Variants in ZNF536 observed in about 807,000 individuals in gnomAD.
ZNF536 encodes the protein zinc finger protein 536.
In ZNF536, 13 loss-of-function variants were observed where a neutral mutation model predicts 84.5. The ratio of observed to expected loss-of-function variants is 0.15; its 90% confidence interval spans 0.10 to 0.24. The LOEUF (loss-of-function observed/expected upper bound fraction) is 0.24, where lower values mean the gene tolerates loss of function less well. ZNF536 is among the 10% of genes least tolerant of loss of function. ZNF536 has a pLI of 1.00. For synonymous variants in ZNF536, 811 were observed against 742.5 expected (o/e 1.09, Z -1.50); for missense variants, 1,536 against 1,747.5 (o/e 0.88, Z 2.16).
intron 2 of ZNF536, among the ~76,000 whole-genome samples, chr19:30,497,008 G>A (rs547592612): frequency 1.1e-4 from 16 of 152,332 alleles, no homozygotes; most frequent in African/African-American, 3.6e-4. Context: ...GCTCAGCAGT[G>A]TGATGCTCTT....
intron 1 of ZNF536, among the ~76,000 whole-genome samples, chr19:30,577,127 G>GT: frequency 6.6e-6 from 1 of 152,282 alleles, no homozygotes; most frequent in South Asian, 2.1e-4. Context: ...TATTGTGCAT[G>GT]TTTTTTTCTC....
At chr19:30,454,227 C>G (rs539240346) in intron 2 of ZNF536, among the ~76,000 whole-genome samples, 21 of 152,356 alleles carry the variant, frequency 1.4e-4, no homozygotes, top group Non-Finnish European at 2.8e-4. Flanking sequence ...AGACTTTTGG[C>G]CAACGCTAGT....
Position 30,557,087 on chromosome 19 carries a change from C to T in ZNF536, c.3896-70C>T, listed in dbSNP as rs138883791. ...AAACGATTAGGGGATGTGGCCCTGCCCTTGCTTTCAAATGCCTCTAGCCCT... is the reference window on the plus strand; with the variant it reads ...AAACGATTAGGGGATGTGGCCCTGCTCTTGCTTTCAAATGCCTCTAGCCCT... On this transcript the variant is annotated intron_variant, in intron 4 of 4. Transcript: ENST00000355537. The T allele has an allele frequency of 2.7e-4, 414 of 1,547,144 alleles. 1 individual carries two copies. In the East Asian group the frequency reaches 7.8e-3, roughly 29 times the overall value.
At chr19:30,387,235 G>A (rs1334648175) in intron 1 of ZNF536, among the ~76,000 whole-genome samples, 1 of 152,230 alleles carries the variant, frequency 6.6e-6, no homozygotes, top group Non-Finnish European at 1.5e-5. Flanking sequence ...AGAAAGGCAG[G>A]TGCTTAGCTG....
At chr19:30,236,533 G>T (rs576191492) in intron 1 of ZNF536, among the ~76,000 whole-genome samples, 10 of 151,520 alleles carry the variant, frequency 6.6e-5, no homozygotes, top group Non-Finnish European at 8.8e-5. Flanking sequence ...TTGGGGCGGG[G>T]GGGGGGTACA....
chr19:30,288,379 G>T (rs991448851), intron 2 of ZNF536, among the ~76,000 whole-genome samples: 8 of 152,202 alleles, frequency 5.3e-5, no homozygotes, highest in African/African-American at 1.9e-4. Context: ...TATTAGGTCA[G>T]CTGTCTTGAG....
At chr19:30,699,140 C>A (rs567868854) in intron 1 of ZNF536, among the ~76,000 whole-genome samples, 1 of 152,226 alleles carries the variant, frequency 6.6e-6, no homozygotes. Context: ...TACTTTCTAG[C>A]ACTAAATACC....
intron 3 of ZNF536, among the ~76,000 whole-genome samples, chr19:30,535,326 G>A (rs561960421): frequency 3.9e-5 from 6 of 152,244 alleles, no homozygotes; most frequent in East Asian, 1.9e-4. Context: ...CTCCCCAGGC[G>A]CCTGTATGAA....
intron 2 of ZNF536, among the ~76,000 whole-genome samples, chr19:30,453,446 A>G (rs968778522): frequency 5.9e-5 from 9 of 152,086 alleles, no homozygotes; most frequent in Non-Finnish European, 1.0e-4. Flanking sequence ...CTCTTCACCT[A>G]AGTCCTTGTA....
At chr19:30,663,461 G>A (rs1258799109) in intron 1 of ZNF536, among the ~76,000 whole-genome samples, 2 of 152,088 alleles carry the variant, frequency 1.3e-5, no homozygotes, top group African/African-American at 2.4e-5. Context: ...TTCTCCAGCC[G>A]CCATTATACG....
At chr19:30,693,382 TGA>T (rs2051503551) in intron 1 of ZNF536, among the ~76,000 whole-genome samples, 1 of 152,232 alleles carries the variant, frequency 6.6e-6, no homozygotes, top group Admixed American at 6.5e-5. Flanking sequence ...TTGGTTTACG[TGA>T]CTACAGAGAA....
chr19:30,444,419 G>C lies in ZNF536; in HGVS notation c.857G>C (p.Arg286Pro), dbSNP rs1056766328. 6.2e-7 allele frequency: 1 copy of C among 1,608,192 alleles called. No homozygotes were observed. ...CTFCKGKFKK[R>P]EELDRHIRIL... Reference sequence around the variant, plus strand: ...TTCTGCAAGGGCAAGTTCAAGAAGCGCGAGGAGCTGGACCGCCACATCCGC... The same window carrying C: ...TTCTGCAAGGGCAAGTTCAAGAAGCCCGAGGAGCTGGACCGCCACATCCGC... Residue 286 changes from arginine (R) to proline (P), a missense_variant, in exon 2 of 5, where the codon CGC (arginine) becomes CCC (proline). This residue lies in a region of ZNF536 where 61 missense variants were observed against 104.0 expected (regional missense o/e 0.59). Transcript: ENST00000355537.
downstream of ZNF536, among the ~76,000 whole-genome samples, chr19:30,561,662 G>A (rs998824726): frequency 2.6e-5 from 4 of 152,166 alleles, no homozygotes; most frequent in African/African-American, 9.7e-5. Flanking sequence ...GTCCTCTAAG[G>A]TACTACGTGG....
chr19:30,655,504 G>A (rs1231454361), intron 1 of ZNF536, among the ~76,000 whole-genome samples: 3 of 152,126 alleles, frequency 2.0e-5, no homozygotes, highest in Non-Finnish European at 4.4e-5. Flanking sequence ...GGTGAACTCA[G>A]CCCTCACTTC....
chr19:30,558,372 G>A (rs1052758894), downstream of ZNF536, among the ~76,000 whole-genome samples: 5 of 152,098 alleles, frequency 3.3e-5, no homozygotes, highest in Admixed American at 6.5e-5. Flanking sequence ...CCCCACAACC[G>A]CCCAGAGGAA....
chr19:30,326,670 C>G (rs910082595), intron 2 of ZNF536, among the ~76,000 whole-genome samples: 1 of 149,296 alleles, frequency 6.7e-6, no homozygotes, highest in Non-Finnish European at 1.5e-5. Context: ...GCTTTCGATG[C>G]GGGAGGCACG....
intron 1 of ZNF536, among the ~76,000 whole-genome samples, chr19:30,705,720 A>C (rs531160664): frequency 5.9e-5 from 9 of 152,220 alleles, no homozygotes; most frequent in African/African-American, 1.7e-4. Flanking sequence ...GATACACTGC[A>C]AGATCAGGAT....
chr19:30,322,560 C>T (rs2046893002), intron 2 of ZNF536, among the ~76,000 whole-genome samples: 1 of 152,166 alleles, frequency 6.6e-6, no homozygotes, highest in African/African-American at 2.4e-5. Context: ...TAAATCCTGC[C>T]CCCCTGGCCA....
At chr19:30,410,153 A>G (rs2050419488) in intron 1 of ZNF536, among the ~76,000 whole-genome samples, 1 of 152,104 alleles carries the variant, frequency 6.6e-6, no homozygotes, top group South Asian at 2.1e-4. Flanking sequence ...TTTTAGTGCC[A>G]TGCTTTGAAA....
Sources: gnomAD v4.1 joint callset for allele counts (sites outside exome capture counted in the v4.1 genomes callset) on GRCh38, gnomAD v4.1.1 for gene constraint, gnomAD v4.1.1 regional missense constraint, MANE v1.5 for transcripts, NCBI Gene and HGNC (gene_info 2026-07-23, HGNC 2026-07-21) for gene names.